THRB: variants seen among roughly 807,000 people sequenced by gnomAD.
THRB encodes thyroid hormone receptor beta.
A neutral mutation model predicts 47.8 loss-of-function variants in THRB; 12 were observed. The ratio of observed to expected loss-of-function variants is 0.25; its 90% CI spans 0.16 to 0.41. The LOEUF is 0.41. Among genes scored for constraint, THRB ranks in the 10% least tolerant of loss-of-function variants. The pLI, the probability that THRB is intolerant of heterozygous loss-of-function variation, is 1.00. For missense variants in THRB, 348 were observed against 589.2 expected (o/e 0.59, Z 4.24); for synonymous variants, 218 against 212.2 (o/e 1.03, Z -0.24).
Position 24,172,573 on chromosome 3 carries a change from C to T in THRB, c.283+17501G>A, listed in dbSNP as rs1038002557. Among the ~76,000 whole-genome samples, 9 of 152,138 alleles carry T rather than the reference C, an allele frequency of 5.9e-5. No individual in the cohort carries two copies. In the East Asian group the frequency reaches 7.7e-4, roughly 13 times the overall value. ...CTAAGGGGAGACTTTTGTTCACAATCGATCACCAAGCAGAATATGCTTTTA... is the reference window on the plus strand; with the variant it reads ...CTAAGGGGAGACTTTTGTTCACAATTGATCACCAAGCAGAATATGCTTTTA... On this transcript the variant is annotated intron_variant, in intron 5 of 10. Transcript: ENST00000646209.
chr3:24,327,193 AT>A (rs200222089), intron 2 of THRB, among the ~76,000 whole-genome samples: 2,115 of 152,284 alleles, frequency 0.014, 17 homozygotes, highest in African/African-American at 0.019. Context: ...TAATTAGACG[AT>A]TTTGTGAGAG....
chr3:24,357,356 A>C (rs28506847), intron 1 of THRB, among the ~76,000 whole-genome samples: 2,002 of 145,842 alleles, frequency 0.014, 133 homozygotes, highest in African/African-American at 0.045. Flanking sequence ...CAAAAAAAAA[A>C]AAAAAAAAAA....
chr3:24,150,460 T>G (rs2036752567), intron 6 of THRB, among the ~76,000 whole-genome samples: 1 of 152,154 alleles, frequency 6.6e-6, no homozygotes, highest in Non-Finnish European at 1.5e-5. Context: ...GATTCTGACC[T>G]GAGACAAAGT....
chr3:24,440,322 C>T, intron 1 of THRB, among the ~76,000 whole-genome samples: 1 of 152,132 alleles, frequency 6.6e-6, no homozygotes, highest in East Asian at 1.9e-4. Context: ...ATACCCTCAT[C>T]AAAATCATTG....
chr3:24,179,467 T>C (rs552232239), intron 5 of THRB, among the ~76,000 whole-genome samples: 1 of 152,268 alleles, frequency 6.6e-6, no homozygotes, highest in Admixed American at 6.5e-5. Context: ...TATGGTAAAA[T>C]GTTAACAATT....
chr3:24,461,529 A>G (rs1441903171), intron 1 of THRB, among the ~76,000 whole-genome samples: 1 of 152,240 alleles, frequency 6.6e-6, no homozygotes, highest in African/African-American at 2.4e-5. Context: ...CTCTTCTTGC[A>G]GCTGGCTAAT....
chr3:24,233,583 G>GAAAGAAAGAAAGAAAGAAAAAT, intron 3 of THRB, among the ~76,000 whole-genome samples: 2 of 111,644 alleles, frequency 1.8e-5, no homozygotes, highest in South Asian at 3.4e-4. Flanking sequence ...AAGAAAGAAA[G>GAAAGAAAGAAAGAAAGAAAAAT]AAAGAAAGAA....
chr3:24,260,090 T>A (rs2051797529), intron 3 of THRB, among the ~76,000 whole-genome samples: 2 of 152,228 alleles, frequency 1.3e-5, no homozygotes, highest in African/African-American at 4.8e-5. Flanking sequence ...TAATCTACTT[T>A]CTGTTTCTAT....
chr3:24,375,169 G>A (rs17014597), intron 1 of THRB, among the ~76,000 whole-genome samples: 61,425 of 151,012 alleles, frequency 0.41, 12,861 homozygotes, highest in East Asian at 0.48. Context: ...CTTCTATACA[G>A]AAAGCCAAGT....
intron 1 of THRB, among the ~76,000 whole-genome samples, chr3:24,437,076 T>C (rs1419096486): frequency 6.7e-6 from 1 of 149,818 alleles, no homozygotes; most frequent in Admixed American, 6.7e-5. Context: ...ATATATCATA[T>C]ATATATCATA....
Position 24,122,959 on chromosome 3 carries a change from G to A in THRB, c.1311C>T (p.Ser437=). ...DLRMIGACHA[S]RFLHMKVECP... ...ATTCCACCTTCATGTGCAGGAAGCG[G>A]CTGGCATGGCAGGCTCCTATCATCC... Residue 437 remains serine (S), a synonymous_variant, in exon 11 of 11, where the codon AGC becomes AGT. Coordinates refer to ENST00000646209, the MANE Select transcript of THRB (RefSeq NM_001354712.2). 6.2e-7 allele frequency: 1 copy of A among 1,614,204 alleles called. No individual in the cohort carries two copies. Among genetic ancestry groups the A allele is most frequent in the Middle Eastern group, 1.6e-4 (1 of 6,062 alleles).
intron 1 of THRB, among the ~76,000 whole-genome samples, chr3:24,434,726 A>G (rs760416342): frequency 2.6e-5 from 4 of 152,196 alleles, no homozygotes; most frequent in African/African-American, 4.8e-5. Context: ...GGACATCTTT[A>G]CTAGCTGGAG....
chr3:24,390,797 A>AAATAT (rs5847290), intron 1 of THRB, among the ~76,000 whole-genome samples: 32 of 137,860 alleles, frequency 2.3e-4, no homozygotes, highest in African/African-American at 8.4e-4. Context: ...AAAAAAAAAA[A>AAATAT]ATATATATAT....
At chr3:24,312,226 G>A (rs756207393) in intron 2 of THRB, among the ~76,000 whole-genome samples, 1 of 152,220 alleles carries the variant, frequency 6.6e-6, no homozygotes, top group Admixed American at 6.5e-5. Flanking sequence ...GTGTTCTCAC[G>A]GCACCTTGTA....
At chr3:24,255,353 T>C (rs1209698029) in intron 3 of THRB, among the ~76,000 whole-genome samples, 2 of 152,218 alleles carry the variant, frequency 1.3e-5, no homozygotes, top group Non-Finnish European at 2.9e-5. Context: ...ATATCACATA[T>C]ATAATACAAT....
chr3:24,300,066 A>T (rs2056826342), intron 2 of THRB, among the ~76,000 whole-genome samples: 1 of 151,950 alleles, frequency 6.6e-6, no homozygotes, highest in Non-Finnish European at 1.5e-5. Flanking sequence ...AACACAAAAC[A>T]ATATTTTCCC....
chr3:24,471,415 G>C (rs897202716), intron 1 of THRB, among the ~76,000 whole-genome samples: 11 of 152,194 alleles, frequency 7.2e-5, no homozygotes, highest in African/African-American at 2.2e-4. Context: ...GCTTATCAGT[G>C]CATACTAAAT....
chr3:24,238,919 T>C lies in THRB; in HGVS notation c.-42-9918A>G, dbSNP rs80074333. Among the ~76,000 whole-genome samples the C allele has an allele frequency of 9.3e-3, 1,410 of 152,078 alleles. 17 individuals carry two copies. The highest frequency in any genetic ancestry group is 0.032 in the African/African-American group (1,312 of 41,518). ...TTGCAGAAATTGACTTCGGAAACTT[T>C]GTCTCCATTCTCACGCATTAGGTTC... On this transcript the variant is annotated intron_variant, in intron 3 of 10. Coordinates refer to ENST00000646209, the MANE Select transcript of THRB (RefSeq NM_001354712.2).
intron 2 of THRB, among the ~76,000 whole-genome samples, chr3:24,307,000 A>G (rs912050697): frequency 6.6e-6 from 1 of 152,002 alleles, no homozygotes; most frequent in Non-Finnish European, 1.5e-5. Context: ...TTTTTTCTCA[A>G]AATAAAAAAA....
Sources: gnomAD v4.1 joint callset for allele counts (sites outside exome capture counted in the v4.1 genomes callset) on GRCh38, gnomAD v4.1.1 for gene constraint, MANE v1.5 for transcripts, NCBI Gene and HGNC (gene_info 2026-07-23, HGNC 2026-07-21) for gene names.